Variants in TSEN34 observed in about 807,000 individuals in gnomAD.
The protein encoded by TSEN34 is tRNA-splicing endonuclease subunit Sen34.
Under a neutral mutation model 30.2 loss-of-function variants are expected in TSEN34, and 25 were observed. That is an observed-to-expected ratio of 0.83 (90% CI 0.60 to 1.16). The LOEUF (loss-of-function observed/expected upper bound fraction) is 1.16, where lower values mean the gene tolerates loss of function less well. TSEN34 is among the 50% of genes most tolerant of loss of function. The pLI, the probability that TSEN34 is intolerant of heterozygous loss-of-function variation, is 0.00. For missense variants in TSEN34, 475 were observed against 411.9 expected (o/e 1.15, Z -1.33); for synonymous variants, 209 against 177.4 (o/e 1.18, Z -1.41).
At position 54,193,235 on chromosome 19, in the gene TSEN34, T is replaced by C; in HGVS notation, c.806T>C (p.Ile269Thr). The change falls in exon 4 of 4, where the codon ATC (isoleucine) becomes ACC (threonine). Residue 269 changes from isoleucine to threonine, a missense_variant. By Grantham distance (89) the Ile-to-Thr change is moderately conservative. Coordinates refer to ENST00000396388, the MANE Select transcript of TSEN34 (RefSeq NM_001077446.4). ...IAQCWAPEDT[I>T]PLQDLVAAGR... is the part of the protein sequence containing the mutation. ...CAGTGCTGGGCCCCTGAGGACACCA[T>C]CCCACTCCAAGACCTGGTTGCTGCT... 1 of 1,613,984 alleles carries C rather than the reference T, an allele frequency of 6.2e-7. No homozygotes were observed. The highest frequency in any genetic ancestry group is 8.5e-7 in the Non-Finnish European group (1 of 1,179,988).
At position 54,193,819 on chromosome 19, in the gene TSEN34, A is replaced by C. The variant is rs1288733369; in HGVS notation, c.*457A>C. 1.6e-6 allele frequency: 1 copy of C among 624,768 alleles called. No individual in the cohort carries two copies. The highest frequency in any genetic ancestry group is 2.9e-6 in the Non-Finnish European group (1 of 349,086). The allele number at this position is 624,768 out of a possible 1,614,324, so 38.7% of individuals were successfully genotyped here. ...TGGCCTTTCAAAATTGGTTTTTCTG[A>C]CTCCTAAATCTGCACTCTTTCTACC... is the stretch of plus-strand genomic sequence containing the variant. On this transcript the variant is annotated 3_prime_UTR_variant, in exon 4 of 4. Coordinates refer to ENST00000396388, the MANE Select transcript of TSEN34 (RefSeq NM_001077446.4).
At position 54,193,299 on chromosome 19, in the gene TSEN34, C is replaced by G; in HGVS notation, c.870C>G (p.Leu290=). 3 of 1,614,194 alleles carry G rather than the reference C, an allele frequency of 1.9e-6. No individual in the cohort carries two copies. Among genetic ancestry groups the G allele is most frequent in the South Asian group, 2.2e-5 (2 of 91,080 alleles). Residue 290 remains leucine, a synonymous_variant, in exon 4 of 4, where the codon CTC becomes CTG. Transcript: ENST00000396388. ...CCAGCGTCAGAAAGACCCTGCTCCTCTGTTCTCCGCAGCCTGATGGTAAGG... is the reference window on the plus strand; with the variant it reads ...CCAGCGTCAGAAAGACCCTGCTCCTGTGTTCTCCGCAGCCTGATGGTAAGG... The part of the protein sequence containing the change: ...LGTSVRKTLL[L]CSPQPDGKVV...
Position 54,193,779 on chromosome 19 carries a change from A to G in TSEN34, c.*417A>G. 1.5e-6 allele frequency: 1 copy of G among 685,074 alleles called. No individual in the cohort carries two copies. The highest frequency in any genetic ancestry group is 2.7e-5 in the East Asian group (1 of 37,068). 42.4% of individuals were successfully genotyped at this position (685,074 alleles called of 1,614,324 possible). ...CTGACTTGCCCAAAGTCACACACTTAGTAAATAGCAGGCCTGGCCTTTCAA... is the reference window on the plus strand; with the variant it reads ...CTGACTTGCCCAAAGTCACACACTTGGTAAATAGCAGGCCTGGCCTTTCAA... On this transcript the variant is annotated 3_prime_UTR_variant, in exon 4 of 4. Coordinates refer to ENST00000396388, the MANE Select transcript of TSEN34 (RefSeq NM_001077446.4).
chr19:54,193,368 A>G lies in TSEN34; in HGVS notation c.*6A>G. 6.2e-7 allele frequency: 1 copy of G among 1,614,154 alleles called. No individual in the cohort carries two copies. Among genetic ancestry groups the G allele is most frequent in the Non-Finnish European group, 8.5e-7 (1 of 1,180,026 alleles). On this transcript the variant is annotated 3_prime_UTR_variant, in exon 4 of 4. Coordinates refer to ENST00000396388, the MANE Select transcript of TSEN34 (RefSeq NM_001077446.4). ...AATGGGCCAGCCTGCAGTGAACTCC[A>G]GAGACCTAGGGGATGTGGCTGTGTC...
upstream of TSEN34, chr19:54,190,138 A>G (rs2076608150): frequency 1.3e-5 from 7 of 555,896 alleles, no homozygotes; most frequent in Non-Finnish European, 2.2e-5. Flanking sequence ...GTTCCCAAGT[A>G]GAGGAGAGGA....
intron 3 of TSEN34, 44 bp from the exon 4 acceptor site, chr19:54,193,131 G>A (rs371237774): frequency 5.2e-5 from 83 of 1,611,542 alleles, no homozygotes; most frequent in South Asian, 1.8e-4. Flanking sequence ...GCGTCCAGCC[G>A]TCTGCCATTG....
chr19:54,192,001 G>T (rs568744676), intron 2 of TSEN34, 37 bp downstream of exon 2: 5 of 1,614,108 alleles, frequency 3.1e-6, no homozygotes, highest in Non-Finnish European at 4.2e-6. Flanking sequence ...ACCACGGGAA[G>T]GAGAGGAGAG....
At position 54,192,095 on chromosome 19, in the gene TSEN34, C is replaced by T. The variant is rs200803591; in HGVS notation, c.488-21C>T. On this transcript the variant is annotated intron_variant, in intron 2 of 3. Transcript: ENST00000396388. ...CTTTACCCCTTGAATTTACCAAACT[C>T]TTCTCTGTACTCCCCACCAGGCCCC... The T allele has an allele frequency of 3.1e-5, 50 of 1,614,218 alleles. No homozygotes were observed. The East Asian group carries it at 1.0e-3, about 34-fold the overall frequency.
At chr19:54,190,164 T>G (rs369598956), upstream of TSEN34, 5 of 575,078 alleles carry the variant, frequency 8.7e-6, no homozygotes, top group African/African-American at 7.9e-5. Flanking sequence ...CAGAGGGAGG[T>G]GCGCTCAGTG....
upstream of TSEN34, chr19:54,191,213 A>G (rs1199535002): frequency 2.8e-6 from 4 of 1,408,428 alleles, no homozygotes; most frequent in Non-Finnish European, 3.7e-6. Flanking sequence ...GCTCGGGCCC[A>G]GCAGGTGGTG....
Position 54,191,684 on chromosome 19 carries a change from C to T in TSEN34, c.244-37C>T, listed in dbSNP as rs938644239. The T allele has an allele frequency of 8.1e-6, 13 of 1,613,090 alleles. No homozygotes were observed. The South Asian group carries it at 8.8e-5, about 11-fold the overall frequency. ...CAAGTTTCCTGGCTTCTGAAGGGAC[C>T]ATAAGCTTGGAGGTTCCAGCGAAGT... On this transcript the variant is annotated intron_variant, in intron 1 of 3. Transcript: ENST00000396388.
chr19:54,190,602 AT>A (rs2076633464), upstream of TSEN34: 18 of 1,241,238 alleles, frequency 1.5e-5, no homozygotes, highest in Non-Finnish European at 1.7e-5. Flanking sequence ...CCGGGAGCCG[AT>A]GACGCCCGAA....
chr19:54,192,168 A>C lies in TSEN34; in HGVS notation c.540A>C (p.Arg180Ser). The C allele has an allele frequency of 6.2e-7, 1 of 1,614,098 alleles. No homozygotes were observed. Among genetic ancestry groups the C allele is most frequent in the East Asian group, 2.2e-5 (1 of 44,870 alleles). ...GPSNGVAPLP[R>S]SALLVQLATA... is the part of the protein sequence containing the mutation. ...CAAATGGGGTAGCCCCCTTGCCCAGATCTGCTCTCCTTGTCCAGCTGGCCA... is the reference window on the plus strand; with the variant it reads ...CAAATGGGGTAGCCCCCTTGCCCAGCTCTGCTCTCCTTGTCCAGCTGGCCA... Residue 180 changes from arginine (R) to serine (S), a missense_variant, in exon 3 of 4, where the codon AGA becomes AGC. Transcript: ENST00000396388.
upstream of TSEN34, chr19:54,190,366 T>C (rs1033107668): frequency 2.0e-5 from 30 of 1,517,602 alleles, no homozygotes; most frequent in East Asian, 6.8e-4. Context: ...AATTACTGTT[T>C]ATGAGGTGAC....
chr19:54,190,501 T>C (rs1045924870), upstream of TSEN34: 2 of 1,366,010 alleles, frequency 1.5e-6, no homozygotes, highest in African/African-American at 3.1e-5. Context: ...GGGGCGGGGC[T>C]TTCGGCTGTG....
upstream of TSEN34, chr19:54,190,745 C>T (rs1223481595): frequency 2.5e-6 from 3 of 1,186,434 alleles, no homozygotes; most frequent in Non-Finnish European, 3.1e-6. Flanking sequence ...GACGCCCGAA[C>T]GCCGAACTTC....
chr19:54,190,544 G>A, upstream of TSEN34: 1 of 1,254,252 alleles, frequency 8.0e-7, no homozygotes, highest in Non-Finnish European at 1.0e-6. Context: ...CTCCCCAACT[G>A]GGGTGCGCTG....
intron 3 of TSEN34, 99 bp from the exon 4 acceptor site, chr19:54,193,076 A>G (rs2076766612): frequency 4.4e-6 from 7 of 1,592,526 alleles, no homozygotes; most frequent in Non-Finnish European, 4.3e-6. Context: ...ATCTATAGTG[A>G]TGGCTGAAAT....
In TSEN34 at chr19:54,193,336, T is replaced by G. The variant is rs776907377; in HGVS notation, c.907T>G (p.Ser303Ala). 2 of 1,614,140 alleles carry G rather than the reference T, an allele frequency of 1.2e-6. No homozygotes were observed. The highest frequency in any genetic ancestry group is 1.7e-6 in the Non-Finnish European group (2 of 1,180,022). The change falls in exon 4 of 4, where the codon TCC becomes GCC. Residue 303 changes from serine to alanine, a missense_variant. Coordinates refer to ENST00000396388, the MANE Select transcript of TSEN34 (RefSeq NM_001077446.4). ...PQPDGKVVYT[S>A]LQWASLQ is the part of the protein sequence containing the mutation. ...GCCTGATGGTAAGGTGGTCTACACCTCCCTGCAATGGGCCAGCCTGCAGTG... is the reference window on the plus strand; with the variant it reads ...GCCTGATGGTAAGGTGGTCTACACCGCCCTGCAATGGGCCAGCCTGCAGTG...
Sources: allele counts gnomAD v4.1 joint callset, GRCh38; gene constraint gnomAD v4.1.1; transcripts MANE v1.5; gene names NCBI Gene and HGNC (gene_info 2026-07-23, HGNC 2026-07-21).